PGCKA1: variants seen among roughly 807,000 people sequenced by gnomAD.
PGCKA1 encodes PDCD10 and GCKIII kinases associated 1.
At chr4:37,523,168 G>A in the PGCKA1 span, among the ~76,000 whole-genome samples, 1 of 152,204 alleles carries the variant, frequency 6.6e-6, no homozygotes, top group Non-Finnish European at 1.5e-5. Context: ...ACAGGGGTCA[G>A]TAATTCCCCT....
At chr4:37,465,065 CA>C in the PGCKA1 span, among the ~76,000 whole-genome samples, 1 of 152,144 alleles carries the variant, frequency 6.6e-6, no homozygotes, top group African/African-American at 2.4e-5. Context: ...TTCAAAATAA[CA>C]AAGGTGGCAT....
chr4:37,571,479 C>T, the PGCKA1 span, among the ~76,000 whole-genome samples: 12 of 150,314 alleles, frequency 8.0e-5, no homozygotes, highest in Admixed American at 8.0e-4. Context: ...TCTCCTGCCT[C>T]ACCCTCCCGA....
chr4:37,480,839 C>T, the PGCKA1 span, among the ~76,000 whole-genome samples: 1 of 152,220 alleles, frequency 6.6e-6, no homozygotes, highest in African/African-American at 2.4e-5. Flanking sequence ...TCATGCTGAC[C>T]TTAGCCATTA....
chr4:37,458,942 TA>T, the PGCKA1 span, among the ~76,000 whole-genome samples: 1 of 152,164 alleles, frequency 6.6e-6, no homozygotes, highest in Non-Finnish European at 1.5e-5. Flanking sequence ...ATTCCTATTT[TA>T]CAGGTGAAGA....
chr4:37,517,222 G>T, the PGCKA1 span, among the ~76,000 whole-genome samples: 2 of 150,418 alleles, frequency 1.3e-5, no homozygotes, highest in African/African-American at 4.9e-5. Context: ...CTGCACTTCA[G>T]CATGGGCAAC....
the PGCKA1 span, among the ~76,000 whole-genome samples, chr4:37,568,201 C>T: frequency 2.6e-5 from 4 of 152,182 alleles, no homozygotes; most frequent in African/African-American, 9.7e-5. Flanking sequence ...GGTATGATTC[C>T]AGAGGGTTCA....
At chr4:37,575,694 C>T in the PGCKA1 span, among the ~76,000 whole-genome samples, 4 of 151,906 alleles carry the variant, frequency 2.6e-5, no homozygotes, top group Non-Finnish European at 5.9e-5. Context: ...GTCCTGGAGA[C>T]TTTCCCTTGT....
At chr4:37,475,863 T>A in the PGCKA1 span, among the ~76,000 whole-genome samples, 1 of 151,854 alleles carries the variant, frequency 6.6e-6, no homozygotes, top group East Asian at 1.9e-4. Flanking sequence ...TGGCCAAAAT[T>A]CAAAATAATT....
chr4:37,477,114 A>G, the PGCKA1 span, among the ~76,000 whole-genome samples: 8 of 152,350 alleles, frequency 5.3e-5, no homozygotes, highest in Non-Finnish European at 1.0e-4. Flanking sequence ...CAGCAGCATT[A>G]TTCATAATAT....
the PGCKA1 span, among the ~76,000 whole-genome samples, chr4:37,532,946 A>T: frequency 6.8e-6 from 1 of 147,056 alleles, no homozygotes; most frequent in African/African-American, 2.5e-5. Context: ...CATCTCCTGG[A>T]CTTTGGGGAC....
At chr4:37,467,496 G>C in the PGCKA1 span, among the ~76,000 whole-genome samples, 1 of 152,086 alleles carries the variant, frequency 6.6e-6, no homozygotes, top group Non-Finnish European at 1.5e-5. Flanking sequence ...TCCCTCTTCC[G>C]AATATCTTCT....
At chr4:37,591,686 T>C in the PGCKA1 span, 3 of 152,172 alleles carry the variant, frequency 2.0e-5, no homozygotes, top group African/African-American at 4.8e-5. Context: ...TCCTTTGGGA[T>C]TGGGGAGGCT....
the PGCKA1 span, among the ~76,000 whole-genome samples, chr4:37,466,594 T>C: frequency 6.6e-6 from 1 of 152,242 alleles, no homozygotes; most frequent in Non-Finnish European, 1.5e-5. Context: ...CAGAAGAAGA[T>C]GTTGATTCTC....
chr4:37,520,525 C>T, the PGCKA1 span, among the ~76,000 whole-genome samples: 3 of 152,148 alleles, frequency 2.0e-5, no homozygotes, highest in South Asian at 4.1e-4. Flanking sequence ...CTGTTTCCTC[C>T]AAATTTTCCA....
At chr4:37,473,836 G>GC in the PGCKA1 span, among the ~76,000 whole-genome samples, 1 of 151,810 alleles carries the variant, frequency 6.6e-6, no homozygotes, top group African/African-American at 2.4e-5. Context: ...CTCCAGCCCT[G>GC]CCCCCCTACA....
chr4:37,522,943 G>A, the PGCKA1 span, among the ~76,000 whole-genome samples: 1 of 152,104 alleles, frequency 6.6e-6, no homozygotes, highest in East Asian at 1.9e-4. Context: ...CATGCAGCCT[G>A]TAGTTAGGGG....
At chr4:37,488,088 T>C in the PGCKA1 span, among the ~76,000 whole-genome samples, 1 of 152,200 alleles carries the variant, frequency 6.6e-6, no homozygotes, top group African/African-American at 2.4e-5. Context: ...AGTTGTTCCA[T>C]AGCCTTCACA....
chr4:37,551,359 T>C, the PGCKA1 span, among the ~76,000 whole-genome samples: 2 of 152,132 alleles, frequency 1.3e-5, no homozygotes, highest in Non-Finnish European at 2.9e-5. Context: ...TACAATACTA[T>C]AGGCCTGCCA....
the PGCKA1 span, among the ~76,000 whole-genome samples, chr4:37,479,379 G>A: frequency 6.7e-6 from 1 of 148,868 alleles, no homozygotes; most frequent in Non-Finnish European, 1.5e-5. Flanking sequence ...ATTTTTTTTT[G>A]TAAAATTTTT....
Sources: allele counts gnomAD v4.1 joint callset (sites outside exome capture counted in the v4.1 genomes callset), GRCh38; gene constraint gnomAD v4.1.1; transcripts MANE v1.5; gene names NCBI Gene and HGNC (gene_info 2026-07-23, HGNC 2026-07-21).